ITGB3BP: variants seen among roughly 807,000 people sequenced by gnomAD.
ITGB3BP encodes centromere protein R.
In ITGB3BP, 27 loss-of-function variants were observed where a neutral mutation model predicts 29.1. The observed-to-expected ratio is 0.93, with a 90% CI of 0.68 to 1.28. The LOEUF is 1.28. Ranked by LOEUF, ITGB3BP falls within the 50% of genes most tolerant of loss-of-function variation. The pLI is 0.00. For synonymous variants in ITGB3BP, 61 were observed against 61.4 expected, an observed-to-expected ratio of 0.99 and a Z score of 0.03; for missense variants, 192 against 200.2, an observed-to-expected ratio of 0.96 and a Z score of 0.25.
intron 1 of ITGB3BP, among the ~76,000 whole-genome samples, chr1:63,515,631 G>C (rs1303160034): frequency 6.6e-6 from 1 of 151,832 alleles, no homozygotes; most frequent in Non-Finnish European, 1.5e-5. Flanking sequence ...TTCAAGACCA[G>C]CCTGATCAAT....
chr1:63,502,207 C>A (rs1645949042), intron 2 of ITGB3BP, among the ~76,000 whole-genome samples: 1 of 152,134 alleles, frequency 6.6e-6, no homozygotes, highest in Non-Finnish European at 1.5e-5. Flanking sequence ...TGGAGAGCAA[C>A]AACTCAAGCA....
intron 2 of ITGB3BP, among the ~76,000 whole-genome samples, chr1:63,494,697 T>C (rs751277582): frequency 6.6e-6 from 1 of 152,208 alleles, no homozygotes; most frequent in Non-Finnish European, 1.5e-5. Context: ...CTAAAAACGT[T>C]GATGCACTGG....
intron 2 of ITGB3BP, among the ~76,000 whole-genome samples, chr1:63,495,979 G>C (rs1057334988): frequency 1.3e-5 from 2 of 152,074 alleles, no homozygotes; most frequent in South Asian, 2.1e-4. Context: ...TTGAGATAGG[G>C]AGCCGGGAAC....
intron 1 of ITGB3BP, among the ~76,000 whole-genome samples, chr1:63,512,403 A>G (rs1188521058): frequency 6.6e-6 from 1 of 152,102 alleles, no homozygotes; most frequent in Non-Finnish European, 1.5e-5. Context: ...AAATTATTCT[A>G]GGAAAAAAAA....
At chr1:63,522,375 C>A (rs7525159) in intron 1 of ITGB3BP, among the ~76,000 whole-genome samples, 20,353 of 152,124 alleles carry the variant, frequency 0.13, 1,520 homozygotes, top group Middle Eastern at 0.25. Flanking sequence ...AGAGGGGGTA[C>A]CTAAATCAAC....
At chr1:63,482,368 A>G (rs905441812) in intron 3 of ITGB3BP, among the ~76,000 whole-genome samples, 61 of 151,748 alleles carry the variant, frequency 4.0e-4, no homozygotes, top group Non-Finnish European at 1.3e-4. Context: ...TAGTTGATAA[A>G]TACTATAGGC....
intron 4 of ITGB3BP, among the ~76,000 whole-genome samples, chr1:63,471,329 G>A (rs1645193518): frequency 4.0e-5 from 6 of 148,724 alleles, no homozygotes; most frequent in Admixed American, 4.0e-4. Context: ...GTGGTGGCAC[G>A]ATCTCGGCTC....
At chr1:63,453,838 A>G (rs1202335603) in intron 7 of ITGB3BP, 80 bp downstream of exon 7, 13 of 796,142 alleles carry the variant, frequency 1.6e-5, no homozygotes, top group Admixed American at 2.2e-5. Flanking sequence ...ACCACTAAAA[A>G]GGATTCATGA....
chr1:63,521,198 T>C (rs1328240911), intron 1 of ITGB3BP, among the ~76,000 whole-genome samples: 2 of 151,872 alleles, frequency 1.3e-5, no homozygotes, highest in African/African-American at 4.8e-5. Context: ...TCCACCTGCA[T>C]ATGTAACTTG....
chr1:63,483,143 C>T (rs2100645390), intron 3 of ITGB3BP, among the ~76,000 whole-genome samples: 1 of 152,276 alleles, frequency 6.6e-6, no homozygotes, highest in South Asian at 2.1e-4. Flanking sequence ...GTTTTTACAT[C>T]TTTCATTCAG....
At chr1:63,524,681 G>A (rs1646549569), upstream of ITGB3BP, among the ~76,000 whole-genome samples, 1 of 152,176 alleles carries the variant, frequency 6.6e-6, no homozygotes, top group South Asian at 2.1e-4. Context: ...ATACCCCATA[G>A]TAACCATTGT....
chr1:63,523,269 G>C, upstream of ITGB3BP: 1 of 1,178,110 alleles, frequency 8.5e-7, no homozygotes, highest in Non-Finnish European at 1.3e-6. Flanking sequence ...CCGCGGCCGG[G>C]CGGAAACATC....
upstream of ITGB3BP, among the ~76,000 whole-genome samples, chr1:63,527,111 C>T (rs138929575): frequency 3.0e-4 from 45 of 152,228 alleles, no homozygotes; most frequent in African/African-American, 1.0e-3. Flanking sequence ...TAAAATAATC[C>T]GAGTTTTTTT....
At chr1:63,514,764 G>T (rs958702653) in intron 1 of ITGB3BP, among the ~76,000 whole-genome samples, 3 of 151,988 alleles carry the variant, frequency 2.0e-5, no homozygotes, top group African/African-American at 7.2e-5. Flanking sequence ...TGGTCAACAT[G>T]GTAAAAGCCC....
At chr1:63,511,632 G>A (rs1039979569) in intron 1 of ITGB3BP, among the ~76,000 whole-genome samples, 3 of 152,032 alleles carry the variant, frequency 2.0e-5, no homozygotes, top group Non-Finnish European at 2.9e-5. Flanking sequence ...AATTTGACAT[G>A]TGCTACAACA....
upstream of ITGB3BP, chr1:63,525,445 A>C: frequency 2.9e-6 from 2 of 685,634 alleles, no homozygotes; most frequent in Non-Finnish European, 4.5e-6. Context: ...TGATCTTTTC[A>C]TATATGTTAT....
At chr1:63,496,161 C>T (rs886351016) in intron 2 of ITGB3BP, among the ~76,000 whole-genome samples, 4 of 151,402 alleles carry the variant, frequency 2.6e-5, no homozygotes, top group Admixed American at 6.6e-5. Flanking sequence ...GGTGCGATCA[C>T]GGCTCACTGC....
At chr1:63,492,375 T>G (rs1451868642) in intron 2 of ITGB3BP, among the ~76,000 whole-genome samples, 1 of 152,146 alleles carries the variant, frequency 6.6e-6, no homozygotes, top group Non-Finnish European at 1.5e-5. Flanking sequence ...CACTAAATAT[T>G]CTTCAGTAAA....
At chr1:63,500,981 T>C (rs1645914829) in intron 2 of ITGB3BP, among the ~76,000 whole-genome samples, 1 of 152,222 alleles carries the variant, frequency 6.6e-6, no homozygotes, top group Admixed American at 6.5e-5. Flanking sequence ...ATGGAATTTA[T>C]CTGGGAATTC....
Sources: gnomAD v4.1 joint callset for allele counts (sites outside exome capture counted in the v4.1 genomes callset) on GRCh38, gnomAD v4.1.1 for gene constraint, MANE v1.5 for transcripts, NCBI Gene and HGNC (gene_info 2026-07-23, HGNC 2026-07-21) for gene names.